The following BCAS3 variants were observed in gnomAD, a reference collection of about 807,000 sequenced individuals.
BCAS3 encodes the protein BCAS3 microtubule associated cell migration factor.
Under a neutral mutation model 116.1 loss-of-function variants are expected in BCAS3, and 53 were observed. That is an observed-to-expected ratio of 0.46 (90% CI 0.37 to 0.57). BCAS3 has a LOEUF of 0.57. Among genes scored for constraint, BCAS3 ranks in the 20% least tolerant of loss-of-function variants. The pLI, the probability that BCAS3 is intolerant of heterozygous loss-of-function variation, is 0.00. For missense variants in BCAS3, 917 were observed against 1,165.4 expected (o/e 0.79, Z 3.10); for synonymous variants, 391 against 408.2 (o/e 0.96, Z 0.51).
At chr17:61,310,581 A>G (rs1206885780) in intron 22 of BCAS3, among the ~76,000 whole-genome samples, 3 of 152,112 alleles carry the variant, frequency 2.0e-5, no homozygotes, top group Middle Eastern at 3.4e-3. Flanking sequence ...AAAGAAAGAA[A>G]AAATGAACTC....
At chr17:60,743,843 C>G (rs542113408) in intron 5 of BCAS3, among the ~76,000 whole-genome samples, 62 of 152,222 alleles carry the variant, frequency 4.1e-4, no homozygotes, top group South Asian at 2.9e-3. Flanking sequence ...TGCCTTAGAT[C>G]GAGTTGTGAG....
At chr17:61,163,878 C>T (rs1013610541) in intron 22 of BCAS3, among the ~76,000 whole-genome samples, 2 of 151,240 alleles carry the variant, frequency 1.3e-5, no homozygotes, top group African/African-American at 4.9e-5. Context: ...CCCAGCTACT[C>T]GGGAGTCTGA....
In BCAS3 at chr17:61,376,643, C is replaced by G. The variant is rs2059354874; in HGVS notation, c.2593+8149C>G. 6.6e-6 allele frequency among the ~76,000 whole-genome samples: 1 copy of G among 152,220 alleles called. No individual in the cohort carries two copies. The highest frequency in any genetic ancestry group is 1.5e-5 in the Non-Finnish European group (1 of 68,038). On this transcript the variant is annotated intron_variant, in intron 23 of 23. Transcript: ENST00000407086. The surrounding 1 kb of genome is among the most constrained non-coding windows in gnomAD (Gnocchi z 4.5). ...CTCAAGATGCACAAGGGTGATTCAT[C>G]TGTGCAAGCCATAGCTTCTGGCTTG...
chr17:61,178,406 C>T (rs1434960929), intron 22 of BCAS3, among the ~76,000 whole-genome samples: 1 of 152,026 alleles, frequency 6.6e-6, no homozygotes, highest in Admixed American at 6.6e-5. Flanking sequence ...ACTTTTCACA[C>T]GTTTCTTCCA....
At chr17:61,010,286 G>A (rs1010998102) in intron 15 of BCAS3, among the ~76,000 whole-genome samples, 4 of 151,880 alleles carry the variant, frequency 2.6e-5, no homozygotes, top group Non-Finnish European at 5.9e-5. Context: ...TTAGGACAAA[G>A]CATAAGTAAG....
At position 61,337,784 on chromosome 17, in the gene BCAS3, C is replaced by G. The variant is rs2056839408; in HGVS notation, c.2426-30543C>G. ...TCTTGGCTGAAACCTTTCAGCATTT[C>G]ACAAGGTGTTAGAGACAGAGAAAGC... On this transcript the variant is annotated intron_variant, in intron 22 of 23. Coordinates refer to ENST00000407086, the MANE Select transcript of BCAS3 (RefSeq NM_017679.5). This position sits in a 1 kb window ranked among gnomAD's most constrained non-coding sequence, Gnocchi z 4.8. Among the ~76,000 whole-genome samples the G allele has an allele frequency of 6.6e-6, 1 of 152,070 alleles. No individual in the cohort carries two copies. The highest frequency in any genetic ancestry group is 1.5e-5 in the Non-Finnish European group (1 of 68,028).
At chr17:60,777,170 T>C (rs950746146) in intron 6 of BCAS3, among the ~76,000 whole-genome samples, 1 of 152,090 alleles carries the variant, frequency 6.6e-6, no homozygotes, top group Non-Finnish European at 1.5e-5. Context: ...CCACTGGCAG[T>C]AGGGAAAAAA....
At chr17:60,957,115 C>T (rs1302158678) in intron 14 of BCAS3, among the ~76,000 whole-genome samples, 2 of 152,158 alleles carry the variant, frequency 1.3e-5, no homozygotes, top group Non-Finnish European at 2.9e-5. Context: ...ATAAACCTTA[C>T]ACATATTTTG....
At chr17:60,728,960 A>G (rs2040189908) in intron 5 of BCAS3, among the ~76,000 whole-genome samples, 1 of 152,166 alleles carries the variant, frequency 6.6e-6, no homozygotes, top group African/African-American at 2.4e-5. Flanking sequence ...AATGTAGAAC[A>G]TTTTTGTACT....
intron 6 of BCAS3, among the ~76,000 whole-genome samples, chr17:60,770,830 A>ATT (rs1181438089): frequency 1.2e-4 from 11 of 91,560 alleles, no homozygotes; most frequent in South Asian, 7.6e-4. Flanking sequence ...TAAAACTGAA[A>ATT]TTTGTTTTTT....
rs929946476 is a variant in BCAS3, at chr17:61,051,294, A to T, written c.2029+10402A>T. Among the ~76,000 whole-genome samples, 6 of 151,998 alleles carry T rather than the reference A, an allele frequency of 3.9e-5. No homozygotes were observed. Among genetic ancestry groups the T allele is most frequent in the African/African-American group, 1.4e-4 (6 of 41,440 alleles). ...GATTAGTGGTGCCCAGGGATTAGGG[A>T]TGGGGTGGGAGAGAATGTGGCTATA... is the stretch of plus-strand genomic sequence containing the variant. On this transcript the variant is annotated intron_variant, in intron 19 of 23. Coordinates refer to ENST00000407086, the MANE Select transcript of BCAS3 (RefSeq NM_017679.5). The surrounding 1 kb of genome is among the most constrained non-coding windows in gnomAD (Gnocchi z 4.1).
Position 61,144,456 on chromosome 17 carries a change from C to T in BCAS3, c.2425+59892C>T, listed in dbSNP as rs2077090478. 6.6e-6 allele frequency among the ~76,000 whole-genome samples: 1 copy of T among 152,210 alleles called. No individual in the cohort carries two copies. The highest frequency in any genetic ancestry group is 2.1e-4 in the South Asian group (1 of 4,830). On this transcript the variant is annotated intron_variant, in intron 22 of 23. Transcript: ENST00000407086. This position sits in a 1 kb window ranked among gnomAD's most constrained non-coding sequence, Gnocchi z 5.0. ...AGTGTTTCATAATGAAGTGTCCCTC[C>T]AAGCATTCTCTATCTTCTGGTAATG...
chr17:60,719,616 T>C (rs187345084), intron 5 of BCAS3, among the ~76,000 whole-genome samples: 1 of 152,334 alleles, frequency 6.6e-6, no homozygotes, highest in Admixed American at 6.5e-5. Context: ...GAGATTTGAA[T>C]TGCAGGATGA....
chr17:60,964,245 A>G lies in BCAS3; in HGVS notation c.1221+16893A>G, dbSNP rs867843192. ...TTTTGATTAGGGGTTTTTTTATATC[A>G]TAAAGGATGTTGAATTTTATAAAAT... On this transcript the variant is annotated intron_variant, in intron 14 of 23. Coordinates refer to ENST00000407086, the MANE Select transcript of BCAS3 (RefSeq NM_017679.5). This position sits in a 1 kb window ranked among gnomAD's most constrained non-coding sequence, Gnocchi z 4.6. Among the ~76,000 whole-genome samples the G allele has an allele frequency of 1.6e-4, 24 of 152,182 alleles. No homozygotes were observed. The highest frequency in any genetic ancestry group is 9.8e-4 in the Admixed American group (15 of 15,290).
At position 61,012,007 on chromosome 17, in the gene BCAS3, TAGAG is replaced by T. The variant is rs1437781229; in HGVS notation, c.1487-3742_1487-3739del. On this transcript the variant is annotated intron_variant, in intron 15 of 23. Coordinates refer to ENST00000407086, the MANE Select transcript of BCAS3 (RefSeq NM_017679.5). The surrounding 1 kb of genome is among the most constrained non-coding windows in gnomAD (Gnocchi z 4.5). ...CTACTAGAAAAGCAAAATAAAAAGA[TAGAG>T]ATTCCTTCCTTTATGCTCAAAATTT... 1.3e-5 allele frequency among the ~76,000 whole-genome samples: 2 copies of T among 152,046 alleles called. No individual in the cohort carries two copies. Among genetic ancestry groups the T allele is most frequent in the Admixed American group, 1.3e-4 (2 of 15,222 alleles).
chr17:60,972,209 A>G (rs1325788898), intron 14 of BCAS3, among the ~76,000 whole-genome samples: 1 of 152,180 alleles, frequency 6.6e-6, no homozygotes, highest in Non-Finnish European at 1.5e-5. Flanking sequence ...TATATTCACC[A>G]ACATAAGTCA....
In BCAS3 at chr17:61,332,660, G is replaced by C. The variant is rs1268990310; in HGVS notation, c.2426-35667G>C. On this transcript the variant is annotated intron_variant, in intron 22 of 23. Transcript: ENST00000407086. The surrounding 1 kb of genome is among the most constrained non-coding windows in gnomAD (Gnocchi z 5.4). ...AGATAGAGTCTTGCTCTGTCACCCA[G>C]GCTGGAGTGCAATGGCATGATCTCG... Among the ~76,000 whole-genome samples the C allele has an allele frequency of 2.0e-5, 3 of 152,000 alleles. No homozygotes were observed. Among genetic ancestry groups the C allele is most frequent in the African/African-American group, 7.2e-5 (3 of 41,380 alleles).
rs533878359 is a variant in BCAS3 at position 60,956,045 on chromosome 17, T to A, written c.1221+8693T>A. On this transcript the variant is annotated intron_variant, in intron 14 of 23. Coordinates refer to ENST00000407086, the MANE Select transcript of BCAS3 (RefSeq NM_017679.5). This position sits in a 1 kb window ranked among gnomAD's most constrained non-coding sequence, Gnocchi z 4.2. ...AAAATTTACAAGGTTTTTGGGGCAG[T>A]AATTTAAAACTATGTAAATATGCCA... Among the ~76,000 whole-genome samples, 17 of 152,250 alleles carry A rather than the reference T, an allele frequency of 1.1e-4. 1 individual carries two copies. Among genetic ancestry groups the A allele is most frequent in the Non-Finnish European group, 8.8e-5 (6 of 68,034 alleles).
At chr17:60,764,310 C>T (rs2043862535) in intron 6 of BCAS3, among the ~76,000 whole-genome samples, 1 of 152,096 alleles carries the variant, frequency 6.6e-6, no homozygotes. Flanking sequence ...TTAGATCTTT[C>T]CTCCTTTCTC....
Sources: allele counts gnomAD v4.1 joint callset (sites outside exome capture counted in the v4.1 genomes callset), GRCh38; gene constraint gnomAD v4.1.1; non-coding constraint Gnocchi (gnomAD v3.1); transcripts MANE v1.5; gene names NCBI Gene and HGNC (gene_info 2026-07-23, HGNC 2026-07-21).